Variants in RELN observed in about 807,000 individuals in gnomAD.
The protein encoded by RELN is reelin.
In RELN, 108 loss-of-function variants were observed where a neutral mutation model predicts 427.6. The ratio of observed to expected loss-of-function variants is 0.25; its 90% CI spans 0.22 to 0.30. The LOEUF (loss-of-function observed/expected upper bound fraction) is 0.30. Among genes scored for constraint, RELN ranks in the 10% least tolerant of loss-of-function variants. The pLI, the probability that RELN is intolerant of heterozygous loss-of-function variation, is 1.00. For synonymous variants in RELN, 1,524 were observed against 1,513.4 expected (o/e 1.01, Z -0.16); for missense variants, 3,715 against 4,302.8 (o/e 0.86, Z 3.82).
chr7:103,845,096 T>C (rs1793641509), intron 2 of RELN, among the ~76,000 whole-genome samples: 1 of 152,206 alleles, frequency 6.6e-6, no homozygotes, highest in Admixed American at 6.5e-5. Context: ...TAACCTGTGA[T>C]TGCTGCCATA....
At chr7:103,948,543 C>T (rs1373088306) in intron 1 of RELN, among the ~76,000 whole-genome samples, 4 of 152,054 alleles carry the variant, frequency 2.6e-5, no homozygotes, top group African/African-American at 9.7e-5. Flanking sequence ...CATGGTGGCA[C>T]ACGCCTGCAG....
At position 103,566,374 on chromosome 7, in the gene RELN, T is replaced by G. The variant is rs1355967275; in HGVS notation, c.4786A>C (p.Ile1596Leu). 6.2e-7 allele frequency: 1 copy of G among 1,614,110 alleles called. No individual in the cohort carries two copies. The highest frequency in any genetic ancestry group is 8.5e-7 in the Non-Finnish European group (1 of 1,180,000). The change falls in exon 33 of 65, where the codon ATA (isoleucine) becomes CTA (leucine). Residue 1596 changes from isoleucine to leucine, a missense_variant. This residue lies in a region of RELN where 2,208 missense variants were observed against 2,361.7 expected (regional missense o/e 0.93). Transcript: ENST00000428762. ...GTTTGAGAGCTGTCATTCATTCCTA[T>G]AAGAACATCATCCAAAGCCCACTGG... is the stretch of plus-strand genomic sequence containing the variant. ...SAQWALDDVL[I>L]GMNDSSQTGF...
chr7:103,664,886 T>C (rs1019501293), intron 11 of RELN, among the ~76,000 whole-genome samples: 2 of 152,154 alleles, frequency 1.3e-5, no homozygotes, highest in African/African-American at 4.8e-5. Flanking sequence ...TTCTTGACTA[T>C]CTGTATTGTA....
At chr7:103,873,119 G>A (rs1462960360) in intron 2 of RELN, among the ~76,000 whole-genome samples, 3 of 151,198 alleles carry the variant, frequency 2.0e-5, no homozygotes, top group East Asian at 3.9e-4. Flanking sequence ...GGTACATAAT[G>A]AAATGAAGGC....
intron 7 of RELN, among the ~76,000 whole-genome samples, chr7:103,723,459 T>C (rs1481892454): frequency 6.6e-6 from 1 of 152,174 alleles, no homozygotes; most frequent in African/African-American, 2.4e-5. Context: ...AAACTGTTCT[T>C]AGTGGAATCC....
intron 2 of RELN, among the ~76,000 whole-genome samples, chr7:103,885,629 C>T (rs1016338558): frequency 6.6e-5 from 10 of 152,070 alleles, no homozygotes; most frequent in African/African-American, 2.2e-4. Flanking sequence ...AGGAGAAATA[C>T]GTAATGTAGA....
intron 1 of RELN, among the ~76,000 whole-genome samples, chr7:103,930,847 A>ATGC (rs950477782): frequency 2.0e-5 from 3 of 147,060 alleles, no homozygotes; most frequent in Non-Finnish European, 4.5e-5. Context: ...CATTCAAGTT[A>ATGC]TGCTTCTTGG....
At position 103,989,532 on chromosome 7, in the gene RELN, C is replaced by A; in HGVS notation, c.-176G>T. 2.0e-6 allele frequency: 1 copy of A among 505,234 alleles called. No individual in the cohort carries two copies. The highest frequency in any genetic ancestry group is 3.2e-6 in the Non-Finnish European group (1 of 316,342). 31.3% of individuals were successfully genotyped at this position (505,234 alleles called of 1,614,324 possible). On this transcript the variant is annotated 5_prime_UTR_variant, in exon 1 of 65. Coordinates refer to ENST00000428762, the MANE Select transcript of RELN (RefSeq NM_005045.4). This position sits in a 1 kb window ranked among gnomAD's most constrained non-coding sequence, Gnocchi z 4.9. ...CCCCGCCGAGAAGTTCCGCGGGAGA[C>A]GGCGGCTCCCAAAGTTACTTTGGGC...
chr7:103,767,453 C>T (rs1480903594), intron 4 of RELN, among the ~76,000 whole-genome samples: 1 of 152,084 alleles, frequency 6.6e-6, no homozygotes, highest in Non-Finnish European at 1.5e-5. Flanking sequence ...CATCACTAAT[C>T]CACAGATAAG....
At position 103,618,878 on chromosome 7, in the gene RELN, C is replaced by T. The variant is rs1045170812; in HGVS notation, c.2703-7075G>A. 4.6e-5 allele frequency among the ~76,000 whole-genome samples: 7 copies of T among 152,070 alleles called. No homozygotes were observed. The South Asian group carries it at 8.3e-4, about 18-fold the overall frequency. ...CTGTAATCCCAGCACTTTGGGAGGC[C>T]GAGGTGGGCAGATCACGAGGTCAGG... On this transcript the variant is annotated intron_variant, in intron 20 of 64. Transcript: ENST00000428762.
At chr7:103,753,624 T>C (rs113336176) in intron 4 of RELN, among the ~76,000 whole-genome samples, 1 of 152,214 alleles carries the variant, frequency 6.6e-6, no homozygotes, top group Non-Finnish European at 1.5e-5. Context: ...CAAGGGTTTA[T>C]TTGCAAACTA....
At chr7:103,842,235 T>A (rs1431186986) in intron 2 of RELN, among the ~76,000 whole-genome samples, 1 of 151,660 alleles carries the variant, frequency 6.6e-6, no homozygotes, top group African/African-American at 2.4e-5. Context: ...TTAAAAGGGA[T>A]ATCTAAAGGC....
intron 11 of RELN, among the ~76,000 whole-genome samples, chr7:103,666,260 T>G (rs1833265012): frequency 6.6e-6 from 1 of 151,836 alleles, no homozygotes; most frequent in African/African-American, 2.4e-5. Flanking sequence ...CTTTTAGAGA[T>G]GATGTTTTGT....
chr7:103,822,516 G>T (rs1793039180), intron 3 of RELN, among the ~76,000 whole-genome samples: 3 of 151,990 alleles, frequency 2.0e-5, no homozygotes, highest in African/African-American at 7.2e-5. Context: ...GGTAGAAATG[G>T]CAGAGTATAA....
At chr7:103,637,335 A>G (rs1403573315) in intron 17 of RELN, among the ~76,000 whole-genome samples, 2 of 152,182 alleles carry the variant, frequency 1.3e-5, no homozygotes, top group Non-Finnish European at 2.9e-5. Flanking sequence ...GGGGATTCTC[A>G]TGGGAGCATT....
At chr7:103,731,246 G>A (rs1027468246) in intron 6 of RELN, among the ~76,000 whole-genome samples, 2 of 152,100 alleles carry the variant, frequency 1.3e-5, no homozygotes, top group African/African-American at 4.8e-5. Context: ...ACTCAAGCAA[G>A]GAAGAAAGAT....
At chr7:103,908,684 T>C (rs1795272796) in intron 2 of RELN, among the ~76,000 whole-genome samples, 1 of 152,224 alleles carries the variant, frequency 6.6e-6, no homozygotes, top group South Asian at 2.1e-4. Flanking sequence ...TCAAGTTAGC[T>C]ATTTGGAAGT....
chr7:103,986,504 C>T (rs946453746), intron 1 of RELN, among the ~76,000 whole-genome samples: 2 of 151,948 alleles, frequency 1.3e-5, no homozygotes, highest in African/African-American at 4.8e-5. Context: ...GCAATTGCTG[C>T]CCCATTTTAC....
chr7:103,494,573 G>C (rs1372096124), intron 57 of RELN, among the ~76,000 whole-genome samples: 1 of 150,012 alleles, frequency 6.7e-6, no homozygotes, highest in Non-Finnish European at 1.5e-5. Context: ...GGTAGAGATA[G>C]GGGGTCTTGC....
Sources: allele counts gnomAD v4.1 joint callset (sites outside exome capture counted in the v4.1 genomes callset), GRCh38; gene constraint gnomAD v4.1.1; regional missense constraint gnomAD v4.1.1; non-coding constraint Gnocchi (gnomAD v3.1); transcripts MANE v1.5; gene names NCBI Gene and HGNC (gene_info 2026-07-23, HGNC 2026-07-21).